Variants in MGMT observed in about 807,000 individuals in gnomAD.
MGMT encodes O-6-methylguanine-DNA methyltransferase, also known as methylated-DNA--protein-cysteine methyltransferase.
MGMT carries 14 observed loss-of-function variants against 15.9 expected under a neutral mutation model. That is an observed-to-expected ratio of 0.88 (90% CI 0.58 to 1.37). The LOEUF is 1.37. MGMT is among the 40% of genes most tolerant of loss of function. The pLI, the probability that MGMT is intolerant of heterozygous loss-of-function variation, is 0.00. For synonymous variants in MGMT, 130 were observed against 118.2 expected (o/e 1.10, Z -0.65); for missense variants, 282 against 268.1 (o/e 1.05, Z -0.36).
intron 2 of MGMT, chr10:129,693,898 A>G (rs977601463): frequency 9.9e-6 from 1 of 100,518 alleles, no homozygotes; most frequent in African/African-American, 4.5e-5. Context: ...GTGAGATTCC[A>G]TCTAAAAAGA....
At chr10:129,542,009 T>C (rs1310027910) in intron 2 of MGMT, among the ~76,000 whole-genome samples, 2 of 152,182 alleles carry the variant, frequency 1.3e-5, no homozygotes, top group African/African-American at 2.4e-5. Context: ...CTAGACCCTC[T>C]GGAACGTGAG....
At chr10:129,649,135 GC>G (rs1193516064) in intron 2 of MGMT, among the ~76,000 whole-genome samples, 1 of 152,122 alleles carries the variant, frequency 6.6e-6, no homozygotes, top group Admixed American at 6.5e-5. Flanking sequence ...GTAAATCACA[GC>G]CCCCTGTTTT....
chr10:129,726,544 C>T (rs760066160), intron 3 of MGMT, among the ~76,000 whole-genome samples: 7 of 152,186 alleles, frequency 4.6e-5, no homozygotes, highest in Non-Finnish European at 1.0e-4. Flanking sequence ...CAGCCTCACG[C>T]AGACTGAGCA....
intron 3 of MGMT, among the ~76,000 whole-genome samples, chr10:129,713,417 C>T (rs1848255499): frequency 6.6e-6 from 1 of 152,158 alleles, no homozygotes; most frequent in Non-Finnish European, 1.5e-5. Context: ...AAATCAAGAT[C>T]TGTGGCCTTC....
At chr10:129,716,966 A>G (rs1848306440) in intron 3 of MGMT, among the ~76,000 whole-genome samples, 1 of 152,342 alleles carries the variant, frequency 6.6e-6, no homozygotes, top group East Asian at 1.9e-4. Context: ...GGCCGCATTG[A>G]CGCATGCATA....
At chr10:129,617,903 C>T (rs993419580) in intron 2 of MGMT, among the ~76,000 whole-genome samples, 6 of 150,796 alleles carry the variant, frequency 4.0e-5, no homozygotes, top group Non-Finnish European at 5.9e-5. Flanking sequence ...GGCACTGGGA[C>T]GGGCCACATG....
intron 4 of MGMT, among the ~76,000 whole-genome samples, chr10:129,763,324 T>G (rs1848896587): frequency 6.6e-6 from 1 of 152,190 alleles, no homozygotes; most frequent in Non-Finnish European, 1.5e-5. Flanking sequence ...GCAGGTTTCA[T>G]TATCTTAATA....
At chr10:129,499,486 A>T (rs902555084) in intron 1 of MGMT, among the ~76,000 whole-genome samples, 1 of 152,234 alleles carries the variant, frequency 6.6e-6, no homozygotes, top group Non-Finnish European at 1.5e-5. Flanking sequence ...TTATGTGAAG[A>T]ATAACAATTA....
intron 1 of MGMT, among the ~76,000 whole-genome samples, chr10:129,481,231 A>G (rs1357028745): frequency 6.6e-6 from 1 of 151,670 alleles, no homozygotes; most frequent in Non-Finnish European, 1.5e-5. Context: ...GGGATGTTTT[A>G]CTCTTTTCTG....
At chr10:129,467,403 G>A in intron 1 of MGMT, 107 bp downstream of exon 1, 2 of 1,380,770 alleles carry the variant, frequency 1.4e-6, no homozygotes, top group Non-Finnish European at 1.9e-6. Flanking sequence ...GTCGGGTGTG[G>A]GGCCGCCCTG....
At chr10:129,722,269 A>C (rs1249750234) in intron 3 of MGMT, among the ~76,000 whole-genome samples, 2 of 152,214 alleles carry the variant, frequency 1.3e-5, no homozygotes, top group African/African-American at 2.4e-5. Flanking sequence ...AAAGTAAATT[A>C]TAAAACAGTT....
At chr10:129,708,248 A>G (rs983339551) in intron 3 of MGMT, among the ~76,000 whole-genome samples, 10 of 152,224 alleles carry the variant, frequency 6.6e-5, no homozygotes, top group African/African-American at 2.2e-4. Context: ...ACAGGGTTGC[A>G]TAATTCTTGG....
chr10:129,481,755 T>A (rs1020285642), intron 1 of MGMT, among the ~76,000 whole-genome samples: 2 of 152,210 alleles, frequency 1.3e-5, no homozygotes, highest in Non-Finnish European at 2.9e-5. Context: ...TTATTATCCT[T>A]TTAATGTCTG....
intron 3 of MGMT, chr10:129,717,982 G>T (rs537780250): frequency 4.6e-5 from 7 of 152,306 alleles, no homozygotes; most frequent in African/African-American, 1.7e-4. Flanking sequence ...TTTGGAAATG[G>T]AATCTGGCCT....
chr10:129,544,451 T>C (rs1846077990), intron 2 of MGMT, among the ~76,000 whole-genome samples: 1 of 152,230 alleles, frequency 6.6e-6, no homozygotes, highest in Non-Finnish European at 1.5e-5. Flanking sequence ...TAGAGGCTTG[T>C]GGGGGTTTGG....
chr10:129,612,337 G>C (rs1846970044), intron 2 of MGMT, among the ~76,000 whole-genome samples: 1 of 152,164 alleles, frequency 6.6e-6, no homozygotes, highest in African/African-American at 2.4e-5. Flanking sequence ...GTGCCGGAGA[G>C]GTATAGCGAA....
intron 2 of MGMT, among the ~76,000 whole-genome samples, chr10:129,637,498 A>G (rs967232963): frequency 6.6e-5 from 10 of 152,266 alleles, no homozygotes; most frequent in Admixed American, 4.6e-4. Flanking sequence ...CGATTTTAGG[A>G]GGGCTGAGAG....
At chr10:129,684,460 T>C (rs1415747512) in intron 2 of MGMT, among the ~76,000 whole-genome samples, 1 of 152,230 alleles carries the variant, frequency 6.6e-6, no homozygotes, top group Non-Finnish European at 1.5e-5. Flanking sequence ...ACCAACTTTC[T>C]TTTTCCACAA....
chr10:129,728,863 G>A (rs1213902274), intron 3 of MGMT, among the ~76,000 whole-genome samples: 1 of 152,034 alleles, frequency 6.6e-6, no homozygotes, highest in Non-Finnish European at 1.5e-5. Context: ...GTCAGCACGA[G>A]GTAGCTGCTC....
Sources: allele counts gnomAD v4.1 joint callset (sites outside exome capture counted in the v4.1 genomes callset), GRCh38; gene constraint gnomAD v4.1.1; transcripts MANE v1.5; gene names NCBI Gene and HGNC (gene_info 2026-07-23, HGNC 2026-07-21).